The following NLRC3 variants were observed in gnomAD, a reference collection of about 807,000 sequenced individuals.
NLRC3 encodes NLR family CARD domain-containing protein 3.
Under a neutral mutation model 91.6 loss-of-function variants are expected in NLRC3, and 87 were observed. The ratio of observed to expected loss-of-function variants is 0.95; its 90% CI spans 0.80 to 1.14. The LOEUF (loss-of-function observed/expected upper bound fraction) is 1.14. Among genes scored for constraint, NLRC3 ranks in the 50% most tolerant of loss-of-function variants. The pLI, the probability that NLRC3 is intolerant of heterozygous loss-of-function variation, is 0.00. For missense variants in NLRC3, 1,577 were observed against 1,418.6 expected (o/e 1.11, Z -1.79); for synonymous variants, 694 against 625.3 (o/e 1.11, Z -1.64).
At chr16:3,554,196 G>C in intron 9 of NLRC3, 46 bp downstream of exon 9, 3 of 1,407,734 alleles carry the variant, frequency 2.1e-6, no homozygotes, top group Non-Finnish European at 3.0e-6. Context: ...CTTGGAGGAG[G>C]AGGGAGAAGG....
At chr16:3,542,656 G>C (rs748834024) in intron 18 of NLRC3, 36 bp downstream of exon 18, 2 of 1,332,544 alleles carry the variant, frequency 1.5e-6, no homozygotes, top group African/African-American at 2.9e-5. Context: ...GAACTCTGCT[G>C]CTCCAGGATG....
In NLRC3 at chr16:3,550,497, C is replaced by T; in HGVS notation, c.2352G>A (p.Met784Ile). ...LKQNRSLKELMFSSNSIGDGG... is the reference protein window; with the variant it reads ...LKQNRSLKELIFSSNSIGDGG... ...CATCACCAATACTATTACTGGAGAA[C>T]CTGCAAGAGAAGGGATATGGATGAG... The change falls in exon 11 of 20, where the codon ATG (methionine) becomes ATA (isoleucine). Residue 784 changes from methionine to isoleucine, a missense_variant and splice_region_variant. Physicochemically the swap from Met to Ile is conservative, Grantham distance 10 (BLOSUM62 1). Transcript: ENST00000359128. 1.2e-6 allele frequency: 2 copies of T among 1,610,176 alleles called. No individual in the cohort carries two copies. The highest frequency in any genetic ancestry group is 8.5e-7 in the Non-Finnish European group (1 of 1,176,404).
intron 6 of NLRC3, among the ~76,000 whole-genome samples, chr16:3,558,582 C>CCACACACACACACA (rs3067979): frequency 2.0e-5 from 3 of 147,618 alleles, no homozygotes; most frequent in Non-Finnish European, 4.5e-5. Context: ...TAAAAAAAAA[C>CCACACACACACACA]CACACACACA....
chr16:3,548,807 G>T lies in NLRC3; in HGVS notation c.2604-54C>A, dbSNP rs949415174. 4.0e-6 allele frequency: 5 copies of T among 1,256,032 alleles called. No individual in the cohort carries two copies. The African/African-American group carries it at 5.9e-5, about 15-fold the overall frequency. The allele number at this position is 1,256,032 out of a possible 1,614,324, so 77.8% of individuals were successfully genotyped here. A position where few individuals can be genotyped will look rare whatever the true frequency, so the allele number is the denominator to read the frequency against. ...GCCGGGGGCCGGCTGTGAAGCCTCCGGTCCTTGGTCACCAGGGATTCCAGG... is the reference window on the plus strand; with the variant it reads ...GCCGGGGGCCGGCTGTGAAGCCTCCTGTCCTTGGTCACCAGGGATTCCAGG... On this transcript the variant is annotated intron_variant, in intron 13 of 19. Coordinates refer to ENST00000359128, the MANE Select transcript of NLRC3 (RefSeq NM_178844.4).
At chr16:3,565,463 A>G (rs1489676336) in intron 2 of NLRC3, 83 bp from the exon 3 acceptor site, 2 of 137,998 alleles carry the variant, frequency 1.4e-5, no homozygotes, top group South Asian at 1.1e-4. Context: ...AACATGTGGG[A>G]AAAAGCAAAA....
chr16:3,560,376 TCGTG>T (rs2039550783), intron 6 of NLRC3, among the ~76,000 whole-genome samples: 4 of 151,814 alleles, frequency 2.6e-5, no homozygotes, highest in Non-Finnish European at 4.4e-5. Flanking sequence ...TGAGCCAAGA[TCGTG>T]CCACTGCACT....
At chr16:3,555,674 A>C (rs1410554506) in intron 8 of NLRC3, 2 of 151,698 alleles carry the variant, frequency 1.3e-5, no homozygotes, top group African/African-American at 4.8e-5. Context: ...GGCTCAACTC[A>C]ACCTCAGCCT....
rs764688454 is a variant in NLRC3 at position 3,557,006 on chromosome 16, GAGAA to G, written c.2100-16_2100-13del. 1.3e-6 allele frequency: 2 copies of G among 1,594,662 alleles called. No homozygotes were observed. Among genetic ancestry groups the G allele is most frequent in the South Asian group, 2.2e-5 (2 of 90,570 alleles). ...AGTTACCGCGGAGGCTGAAGGAAGAGAGAAAGAGACACCTCCTTCATCTGTCTCC... is the reference window on the plus strand; with the variant it reads ...AGTTACCGCGGAGGCTGAAGGAAGAGAGAGACACCTCCTTCATCTGTCTCC... On this transcript the variant is annotated splice_polypyrimidine_tract_variant and intron_variant, in intron 7 of 19. Coordinates refer to ENST00000359128, the MANE Select transcript of NLRC3 (RefSeq NM_178844.4).
chr16:3,563,148 C>T lies in NLRC3; in HGVS notation c.1789G>A (p.Gly597Ser), dbSNP rs756537867. The T allele has an allele frequency of 6.7e-5, 106 of 1,589,522 alleles. No homozygotes were observed. Among genetic ancestry groups the T allele is most frequent in the African/African-American group, 8.0e-5 (6 of 74,560 alleles). The change falls in exon 5 of 20, where the codon GGT (glycine) becomes AGT (serine). Residue 597 changes from glycine (G) to serine (S), a missense_variant. Coordinates refer to ENST00000359128, the MANE Select transcript of NLRC3 (RefSeq NM_178844.4). ...GCCAGGGCAGCGCGGTGCGCGGGAC[C>T]AGTCAGCCTGGCCAGGGCCCCGCTC... ...MESGALARLT[G>S]PAHRAALAYL...
Position 3,564,296 on chromosome 16 carries a change from G to T in NLRC3, c.641C>A (p.Ala214Asp). The T allele has an allele frequency of 6.2e-7, 1 of 1,611,590 alleles. No homozygotes were observed. Among genetic ancestry groups the T allele is most frequent in the Non-Finnish European group, 8.5e-7 (1 of 1,179,480 alleles). ...PSLAVAVPARALLILDGLDEC... is the reference protein window; with the variant it reads ...PSLAVAVPARDLLILDGLDEC... ...ATCCAAGCCGTCCAGGATCAGGAGG[G>T]CCCTGGCTGGGACTGCCACCGCCAG... The change falls in exon 5 of 20, where the codon GCC becomes GAC. Residue 214 changes from alanine to aspartate, a missense_variant. Ala to Asp is a moderately radical substitution (Grantham distance 126). Coordinates refer to ENST00000359128, the MANE Select transcript of NLRC3 (RefSeq NM_178844.4). This position sits in a 1 kb window ranked among gnomAD's most constrained non-coding sequence, Gnocchi z 5.9.
At chr16:3,574,644 G>A (rs1324017376) in intron 1 of NLRC3, among the ~76,000 whole-genome samples, 1 of 152,140 alleles carries the variant, frequency 6.6e-6, no homozygotes, top group South Asian at 2.1e-4. Context: ...TTGGGTCCAG[G>A]GTTGCCAGAT....
chr16:3,573,493 G>A (rs2040173717), intron 1 of NLRC3, among the ~76,000 whole-genome samples: 1 of 152,178 alleles, frequency 6.6e-6, no homozygotes, highest in Admixed American at 6.5e-5. Flanking sequence ...ATGAAGCAGT[G>A]CTACTGTCTG....
In NLRC3 at chr16:3,565,061, C is replaced by T. The variant is rs1266352073; in HGVS notation, c.-24-1G>A. On this transcript the variant is annotated splice_acceptor_variant, in intron 3 of 19. Transcript: ENST00000359128. LOFTEE classifies it low-confidence loss of function (5UTR_SPLICE). ...TGGAGTCGGGGATCACCTCCAGGAG[C>T]TGTGAAGAGAGGGCCTGAACCTGCT... The T allele has an allele frequency of 1.2e-6, 2 of 1,602,910 alleles. No homozygotes were observed. The highest frequency in any genetic ancestry group is 2.2e-5 in the South Asian group (2 of 90,632).
intron 2 of NLRC3, among the ~76,000 whole-genome samples, chr16:3,566,307 C>T (rs562637652): frequency 2.0e-4 from 31 of 151,946 alleles, no homozygotes; most frequent in Admixed American, 1.5e-3. Flanking sequence ...TTCTGTAAAC[C>T]TGGCCAGACG....
chr16:3,565,078 G>C lies in NLRC3; in HGVS notation c.-24-18C>G. ...TCCAGGAGCTGTGAAGAGAGGGCCT[G>C]AACCTGCTGCCTGCCGTGCCCCCCA... On this transcript the variant is annotated intron_variant, in intron 3 of 19. Coordinates refer to ENST00000359128, the MANE Select transcript of NLRC3 (RefSeq NM_178844.4). 1 of 1,581,840 alleles carries C rather than the reference G, an allele frequency of 6.3e-7. No individual in the cohort carries two copies. Among genetic ancestry groups the C allele is most frequent in the Non-Finnish European group, 8.6e-7 (1 of 1,162,426 alleles).
chr16:3,558,890 GC>G (rs1419257331), intron 6 of NLRC3, among the ~76,000 whole-genome samples: 1 of 152,006 alleles, frequency 6.6e-6, no homozygotes, highest in Non-Finnish European at 1.5e-5. Context: ...TCCCACTTCA[GC>G]CTCCCAAGTA....
At position 3,564,335 on chromosome 16, in the gene NLRC3, A is replaced by G; in HGVS notation, c.602T>C (p.Val201Ala). The G allele has an allele frequency of 1.2e-6, 2 of 1,611,764 alleles. No individual in the cohort carries two copies. The highest frequency in any genetic ancestry group is 2.2e-5 in the South Asian group (2 of 90,980). The change falls in exon 5 of 20, where the codon GTC becomes GCC. Residue 201 changes from valine (V) to alanine (A), a missense_variant. Physicochemically the swap from Val to Ala is moderately conservative, Grantham distance 64. Coordinates refer to ENST00000359128, the MANE Select transcript of NLRC3 (RefSeq NM_178844.4). This position sits in a 1 kb window ranked among gnomAD's most constrained non-coding sequence, Gnocchi z 5.9. ...TGCCACCGCCAGGCTGGGCTCCCCG[A>G]CGTGCGGGAAGACCGAGCAGATGAG... ...DRLICSVFPH[V>A]GEPSLAVAVP... is the part of the protein sequence containing the mutation.
rs1160216934 is a variant in NLRC3, at chr16:3,542,738, C to T, written c.2977G>A (p.Ala993Thr). 6.2e-7 allele frequency: 1 copy of T among 1,610,530 alleles called. No individual in the cohort carries two copies. The highest frequency in any genetic ancestry group is 1.7e-5 in the Admixed American group (1 of 59,644). The part of the protein sequence containing the change: ...GNAIGVAGAK[A>T]LANALKVNSS... ...TTTACCTTCAGAGCATTTGCCAGGG[C>T]TTTGGCTCCAGCCACCCCAATGGCA... Residue 993 changes from alanine to threonine, a missense_variant, in exon 18 of 20, where the codon GCC (alanine) becomes ACC (threonine). Transcript: ENST00000359128.
intron 14 of NLRC3, 105 bp downstream of exon 14, chr16:3,548,565 A>AG: frequency 1.2e-6 from 1 of 855,402 alleles, no homozygotes; most frequent in Non-Finnish European, 1.9e-6. Flanking sequence ...AGACCTTTGC[A>AG]GGGGGTGTCC....
Sources: gnomAD v4.1 joint callset for allele counts (sites outside exome capture counted in the v4.1 genomes callset) on GRCh38, gnomAD v4.1.1 for gene constraint, Gnocchi (gnomAD v3.1) non-coding constraint, MANE v1.5 for transcripts, NCBI Gene and HGNC (gene_info 2026-07-23, HGNC 2026-07-21) for gene names.